Variants in SH3RF2 observed in about 807,000 individuals in gnomAD.
SH3RF2 encodes the protein E3 ubiquitin-protein ligase SH3RF2.
A neutral mutation model predicts 59.0 loss-of-function variants in SH3RF2; 43 were observed. The ratio of observed to expected loss-of-function variants is 0.73; its 90% confidence interval spans 0.57 to 0.94. The LOEUF (loss-of-function observed/expected upper bound fraction) is 0.94, where lower values mean the gene tolerates loss of function less well. SH3RF2 is among the 40% of genes least tolerant of loss of function. The pLI is 0.00. For synonymous variants in SH3RF2, 391 were observed against 391.5 expected (o/e 1.00, Z 0.01); for missense variants, 930 against 940.1 (o/e 0.99, Z 0.14).
intron 2 of SH3RF2, among the ~76,000 whole-genome samples, chr5:145,980,132 A>G (rs1759453460): frequency 6.6e-6 from 1 of 152,192 alleles, no homozygotes; most frequent in African/African-American, 2.4e-5. Flanking sequence ...CCCAGAAGAC[A>G]CATACATTTT....
chr5:146,039,616 C>T (rs1046570186), intron 5 of SH3RF2, among the ~76,000 whole-genome samples: 5 of 152,214 alleles, frequency 3.3e-5, no homozygotes, highest in Non-Finnish European at 5.9e-5. Context: ...GCTGGTGAGA[C>T]TGTGGGGTAA....
At chr5:146,037,482 T>G (rs1761981307) in intron 5 of SH3RF2, among the ~76,000 whole-genome samples, 2 of 152,024 alleles carry the variant, frequency 1.3e-5, no homozygotes, top group South Asian at 4.2e-4. Context: ...GTATGGGGGG[T>G]CCGCATTGGC....
intron 2 of SH3RF2, among the ~76,000 whole-genome samples, chr5:145,978,777 C>T (rs1440312854): frequency 1.3e-5 from 2 of 151,936 alleles, no homozygotes; most frequent in Admixed American, 6.6e-5. Flanking sequence ...TACATCAATA[C>T]GAGAGAAGTT....
chr5:146,024,339 C>T lies in SH3RF2; in HGVS notation c.1059+10278C>T, dbSNP rs1221914153. On this transcript the variant is annotated intron_variant, in intron 5 of 9. Transcript: ENST00000359120. The stretch of plus-strand genomic sequence containing the variant: ...GCATTTCCCTCATGGCTAATAAGAG[C>T]ATCTGTTCATGCGTTTATAGTGCAT... Among the ~76,000 whole-genome samples, 3 of 152,166 alleles carry T rather than the reference C, an allele frequency of 2.0e-5. No homozygotes were observed. In the East Asian group the frequency reaches 5.8e-4, roughly 29 times the overall value.
chr5:145,950,973 A>C (rs920970121), intron 2 of SH3RF2, among the ~76,000 whole-genome samples: 29 of 152,252 alleles, frequency 1.9e-4, no homozygotes, highest in African/African-American at 7.0e-4. Flanking sequence ...GTTATGGAAA[A>C]AGTTTCAAAT....
chr5:146,012,484 G>C (rs1023296187), intron 4 of SH3RF2, among the ~76,000 whole-genome samples: 2 of 152,130 alleles, frequency 1.3e-5, no homozygotes, highest in Admixed American at 6.5e-5. Flanking sequence ...CTGTGAATCT[G>C]TCTGGTCCTG....
intron 5 of SH3RF2, among the ~76,000 whole-genome samples, chr5:146,028,792 C>T (rs13182298): frequency 0.28 from 43,154 of 152,162 alleles, 7,751 homozygotes; most frequent in Non-Finnish European, 0.39. Flanking sequence ...CCCAGCAGAC[C>T]ACTCTTCTCA....
rs139001155 is a variant in SH3RF2 at position 146,060,219 on chromosome 5, G to A, written c.1909G>A (p.Glu637Lys). 23 of 1,603,512 alleles carry A rather than the reference G, an allele frequency of 1.4e-5. No homozygotes were observed. Among genetic ancestry groups the A allele is most frequent in the Middle Eastern group, 1.7e-4 (1 of 6,030 alleles). The stretch of plus-strand genomic sequence containing the variant: ...ACCAGAAAACTCAAGAAATGGCATC[G>A]AAAAGGTAGGATCAGAGTGACATTG... ...VKPENSRNGI[E>K]KQVKTVRFQN... Residue 637 changes from glutamate (E) to lysine (K), a missense_variant, in exon 9 of 10, where the codon GAA becomes AAA. Physicochemically the swap from Glu to Lys is moderately conservative, Grantham distance 56. Coordinates refer to ENST00000359120, the MANE Select transcript of SH3RF2 (RefSeq NM_152550.4).
At chr5:145,949,737 C>T (rs1758123793) in intron 2 of SH3RF2, among the ~76,000 whole-genome samples, 1 of 152,138 alleles carries the variant, frequency 6.6e-6, no homozygotes, top group African/African-American at 2.4e-5. Context: ...TAAAAAGGAT[C>T]CAGGATGCAG....
At chr5:145,981,432 A>G (rs1417364474) in intron 2 of SH3RF2, among the ~76,000 whole-genome samples, 1 of 137,530 alleles carries the variant, frequency 7.3e-6, no homozygotes, top group African/African-American at 2.7e-5. Flanking sequence ...TGTTTGAATC[A>G]GGATTCACCA....
chr5:146,057,375 A>C (rs995431757), intron 8 of SH3RF2, among the ~76,000 whole-genome samples: 1 of 152,068 alleles, frequency 6.6e-6, no homozygotes, highest in Non-Finnish European at 1.5e-5. Flanking sequence ...ACACACACAC[A>C]CAATAAGTAA....
At chr5:146,011,792 G>A (rs1196178809) in intron 4 of SH3RF2, among the ~76,000 whole-genome samples, 1 of 152,106 alleles carries the variant, frequency 6.6e-6, no homozygotes, top group Non-Finnish European at 1.5e-5. Context: ...TAAGACGATG[G>A]GGTTTTCTAA....
chr5:146,027,322 CA>C (rs1247302895), intron 5 of SH3RF2, among the ~76,000 whole-genome samples: 1 of 152,236 alleles, frequency 6.6e-6, no homozygotes, highest in Non-Finnish European at 1.5e-5. Context: ...ATCTGTCCAC[CA>C]TTTCCTATAC....
At chr5:145,960,784 T>C (rs1226963431) in intron 2 of SH3RF2, among the ~76,000 whole-genome samples, 1 of 152,186 alleles carries the variant, frequency 6.6e-6, no homozygotes, top group African/African-American at 2.4e-5. Flanking sequence ...ATGAGATTCT[T>C]ACCTAGGAAG....
chr5:146,023,421 C>A (rs1761406743), intron 5 of SH3RF2, among the ~76,000 whole-genome samples: 1 of 152,094 alleles, frequency 6.6e-6, no homozygotes. Flanking sequence ...GTTGGCCAGG[C>A]TGGTCTCAAA....
At chr5:146,070,378 T>G (rs1027821810) in intron 9 of SH3RF2, among the ~76,000 whole-genome samples, 1 of 152,180 alleles carries the variant, frequency 6.6e-6, no homozygotes, top group African/African-American at 2.4e-5. Flanking sequence ...GGTTAGGTCT[T>G]GCTGTCCAAC....
intron 2 of SH3RF2, among the ~76,000 whole-genome samples, chr5:145,954,657 G>C (rs1218379803): frequency 6.6e-6 from 1 of 152,138 alleles, no homozygotes; most frequent in Non-Finnish European, 1.5e-5. Flanking sequence ...CTATTACCTA[G>C]GTTGTCTTCC....
At chr5:146,007,564 C>G (rs922768683) in intron 4 of SH3RF2, among the ~76,000 whole-genome samples, 1 of 152,166 alleles carries the variant, frequency 6.6e-6, no homozygotes, top group African/African-American at 2.4e-5. Flanking sequence ...TGCCTGGTCT[C>G]CTGCATTATC....
chr5:145,970,336 T>C, intron 2 of SH3RF2, among the ~76,000 whole-genome samples: 1 of 152,108 alleles, frequency 6.6e-6, no homozygotes, highest in Non-Finnish European at 1.5e-5. Context: ...TGCATCCTCA[T>C]AGTTTAGCTC....
Sources: gnomAD v4.1 joint callset for allele counts (sites outside exome capture counted in the v4.1 genomes callset) on GRCh38, gnomAD v4.1.1 for gene constraint, MANE v1.5 for transcripts, NCBI Gene and HGNC (gene_info 2026-07-23, HGNC 2026-07-21) for gene names.